Variants in CTNNA2 observed in about 807,000 individuals in gnomAD.
CTNNA2 encodes the protein catenin alpha-2.
Under a neutral mutation model 101.0 loss-of-function variants are expected in CTNNA2, and 42 were observed. That is an observed-to-expected ratio of 0.42 (90% CI 0.32 to 0.54). The LOEUF is 0.54. Among genes scored for constraint, CTNNA2 ranks in the 20% least tolerant of loss-of-function variants. The probability of loss-of-function intolerance (pLI) is 0.14; values close to 1 mark genes in which losing one functional copy is unlikely to be tolerated. For missense variants in CTNNA2, 871 were observed against 1,223.1 expected (o/e 0.71, Z 4.29); for synonymous variants, 450 against 456.4 (o/e 0.99, Z 0.18).
At chr2:79,487,305 G>A (rs939753104) in intron 4 of CTNNA2, among the ~76,000 whole-genome samples, 28 of 152,304 alleles carry the variant, frequency 1.8e-4, no homozygotes, top group African/African-American at 6.3e-4. Context: ...GGGAGATGGT[G>A]CCCTAAGATG....
chr2:79,395,380 A>T (rs1440943826), intron 4 of CTNNA2, among the ~76,000 whole-genome samples: 2 of 151,892 alleles, frequency 1.3e-5, no homozygotes, highest in Non-Finnish European at 2.9e-5. Flanking sequence ...TCCTAATGCT[A>T]TCCTTCCACC....
intron 3 of CTNNA2, among the ~76,000 whole-genome samples, chr2:79,371,697 G>A (rs1677874784): frequency 6.6e-6 from 1 of 152,092 alleles, no homozygotes; most frequent in Admixed American, 6.6e-5. Flanking sequence ...CAGATTGCCT[G>A]GAACTATCCC....
At chr2:79,873,659 G>A (rs906169878) in intron 5 of CTNNA2, among the ~76,000 whole-genome samples, 1 of 152,262 alleles carries the variant, frequency 6.6e-6, no homozygotes, top group African/African-American at 2.4e-5. Context: ...AGCACTTTGG[G>A]AAGCAGAGGT....
chr2:80,114,118 A>T (rs2148865971), intron 7 of CTNNA2, among the ~76,000 whole-genome samples: 1 of 152,306 alleles, frequency 6.6e-6, no homozygotes, highest in Non-Finnish European at 1.5e-5. Flanking sequence ...CCGTCGTCTA[A>T]ATAATGTACA....
chr2:79,573,685 A>G (rs191096645), intron 1 of CTNNA2: 80 of 152,358 alleles, frequency 5.3e-4, no homozygotes, highest in African/African-American at 1.9e-3. Flanking sequence ...CAACACAAGA[A>G]AATAATAATA....
At chr2:80,280,919 C>A (rs982275914) in intron 7 of CTNNA2, among the ~76,000 whole-genome samples, 1 of 152,044 alleles carries the variant, frequency 6.6e-6, no homozygotes, top group Non-Finnish European at 1.5e-5. Context: ...AGAATATACT[C>A]CTGCCAATAA....
chr2:79,403,147 A>G (rs1231888434), intron 4 of CTNNA2, among the ~76,000 whole-genome samples: 4 of 151,898 alleles, frequency 2.6e-5, no homozygotes, highest in Non-Finnish European at 5.9e-5. Context: ...TATTGGATCT[A>G]AGGATGGGAA....
At position 79,865,115 on chromosome 2, in the gene CTNNA2, C is replaced by T. The variant is rs6745684; in HGVS notation, c.466-4701C>T. Among the ~76,000 whole-genome samples the T allele has an allele frequency of 6.9e-3, 1,046 of 152,184 alleles. 13 individuals carry two copies. Among genetic ancestry groups the T allele is most frequent in the African/African-American group, 0.023 (943 of 41,518 alleles). On this transcript the variant is annotated intron_variant, in intron 4 of 18. Transcript: ENST00000402739. ...CACATTTGTATAACACACATTGATG[C>T]GCTTTAAGCATCAATGACACTAGCA... is the stretch of plus-strand genomic sequence containing the variant.
intron 9 of CTNNA2, among the ~76,000 whole-genome samples, chr2:80,536,831 C>T (rs1691070330): frequency 6.6e-6 from 1 of 152,148 alleles, no homozygotes; most frequent in Non-Finnish European, 1.5e-5. Context: ...ATTGTACAGC[C>T]ACGATGTAGT....
At chr2:79,547,718 A>C (rs1038759416) in intron 1 of CTNNA2, 2 of 152,276 alleles carry the variant, frequency 1.3e-5, no homozygotes, top group Non-Finnish European at 2.9e-5. Flanking sequence ...GTTCAGGACT[A>C]TCACTGAGTT....
intron 3 of CTNNA2, among the ~76,000 whole-genome samples, chr2:79,338,572 C>CTCTTCTTCTTCTTCTTCTTCTTCT (rs1206814071): frequency 3.1e-5 from 4 of 127,164 alleles, no homozygotes; most frequent in African/African-American, 9.1e-5. Context: ...CTTCTTCCTC[C>CTCTTCTTCTTCTTCTTCTTCTTCT]TCATCATCTT....
chr2:80,313,278 C>A, intron 7 of CTNNA2: 3 of 783,450 alleles, frequency 3.8e-6, no homozygotes, highest in Non-Finnish European at 3.4e-6. Context: ...CAATCTCTGA[C>A]AAGAATCTTG....
chr2:79,474,411 A>T (rs572481501), intron 4 of CTNNA2, among the ~76,000 whole-genome samples: 1 of 152,210 alleles, frequency 6.6e-6, no homozygotes, highest in Non-Finnish European at 1.5e-5. Flanking sequence ...AAGACTGCAT[A>T]TGACATGGTT....
At chr2:80,259,079 C>G (rs1009129397) in intron 7 of CTNNA2, among the ~76,000 whole-genome samples, 1 of 152,146 alleles carries the variant, frequency 6.6e-6, no homozygotes, top group East Asian at 1.9e-4. Context: ...TTATGTTGTT[C>G]GTTCCAGGAG....
At chr2:80,610,886 C>T (rs1452990408) in intron 17 of CTNNA2, among the ~76,000 whole-genome samples, 1 of 151,570 alleles carries the variant, frequency 6.6e-6, no homozygotes, top group African/African-American at 2.4e-5. Flanking sequence ...GATACAAAAG[C>T]TCTCCAGGCA....
intron 7 of CTNNA2, among the ~76,000 whole-genome samples, chr2:80,053,129 C>T (rs1482834674): frequency 2.0e-5 from 3 of 152,122 alleles, no homozygotes; most frequent in East Asian, 1.9e-4. Flanking sequence ...CAGACTTCAG[C>T]GGAAGTTAGG....
At chr2:79,658,415 T>G (rs1213558521) in intron 2 of CTNNA2, among the ~76,000 whole-genome samples, 1 of 152,082 alleles carries the variant, frequency 6.6e-6, no homozygotes, top group East Asian at 1.9e-4. Flanking sequence ...AGTACCATTT[T>G]CTTTACCATT....
At chr2:79,328,780 A>G (rs563967971) in intron 3 of CTNNA2, among the ~76,000 whole-genome samples, 1 of 152,332 alleles carries the variant, frequency 6.6e-6, no homozygotes, top group South Asian at 2.1e-4. Context: ...TGGATGTCTT[A>G]AAACACATAA....
intron 7 of CTNNA2, among the ~76,000 whole-genome samples, chr2:79,998,246 T>C (rs753042894): frequency 8.5e-5 from 13 of 152,218 alleles, no homozygotes; most frequent in Admixed American, 1.3e-4. Flanking sequence ...ACTATTTAAA[T>C]ACATGTCTGT....
Sources: gnomAD v4.1 joint callset for allele counts (sites outside exome capture counted in the v4.1 genomes callset) on GRCh38, gnomAD v4.1.1 for gene constraint, MANE v1.5 for transcripts, NCBI Gene and HGNC (gene_info 2026-07-23, HGNC 2026-07-21) for gene names.